The following EIF2D variants were observed in gnomAD, a reference collection of about 807,000 sequenced individuals.
The protein encoded by EIF2D is eukaryotic translation initiation factor 2D.
Under a neutral mutation model 77.4 loss-of-function variants are expected in EIF2D, and 56 were observed. The observed-to-expected ratio is 0.72, with a 90% CI of 0.58 to 0.90. The LOEUF (loss-of-function observed/expected upper bound fraction) is 0.90. Ranked by LOEUF, EIF2D falls within the 40% of genes least tolerant of loss-of-function variation. The pLI is 0.00. For synonymous variants in EIF2D, 230 were observed against 271.0 expected (o/e 0.85, Z 1.49); for missense variants, 574 against 706.5 (o/e 0.81, Z 2.13).
intron 2 of EIF2D, chr1:206,583,061 G>C (rs1171613145): frequency 3.9e-6 from 2 of 509,296 alleles, no homozygotes; most frequent in Non-Finnish European, 7.2e-6. Context: ...AGAGAAATCT[G>C]AGTTACTTCT....
chr1:206,578,233 A>AGTGTGTGTGTGTGT (rs58059864), intron 4 of EIF2D, among the ~76,000 whole-genome samples: 2 of 117,584 alleles, frequency 1.7e-5, no homozygotes, highest in African/African-American at 3.1e-5. Flanking sequence ...AAAAAAAAAA[A>AGTGTGTGTGTGTGT]GTGTGTGTGT....
downstream of EIF2D, chr1:206,589,476 T>C (rs1669274251): frequency 6.6e-6 from 1 of 152,138 alleles, no homozygotes; most frequent in South Asian, 2.1e-4. Flanking sequence ...GCTGCCTGGG[T>C]GACCAGCTGT....
At chr1:206,577,372 G>C (rs184062432) in intron 4 of EIF2D, among the ~76,000 whole-genome samples, 1 of 152,118 alleles carries the variant, frequency 6.6e-6, no homozygotes, top group Non-Finnish European at 1.5e-5. Flanking sequence ...TGCTTTCCTG[G>C]GATGATAGTC....
rs1207940687 is a variant in EIF2D, at chr1:206,612,413, T to G, written c.-71A>C. ...GTCAAGAAAGCGAGGGCGCAGCAGC[T>G]GCCAGGCCCTCAGCCGTGGGGGCAG... On this transcript the variant is annotated 5_prime_UTR_variant, in exon 1 of 15. Transcript: ENST00000271764. 5.0e-6 allele frequency: 8 copies of G among 1,598,808 alleles called. No individual in the cohort carries two copies. In the East Asian group the frequency reaches 1.8e-4, roughly 36 times the overall value.
chr1:206,609,418 T>C lies in EIF2D; in HGVS notation c.289A>G (p.Thr97Ala). 6.2e-7 allele frequency: 1 copy of C among 1,614,160 alleles called. No individual in the cohort carries two copies. Among genetic ancestry groups the C allele is most frequent in the East Asian group, 2.2e-5 (1 of 44,888 alleles). ...WSYPDLLPTFTTWPLVLEKLV... is the reference protein window; with the variant it reads ...WSYPDLLPTFATWPLVLEKLV... Reference sequence around the variant, plus strand: ...TTCTCGAGCACCAGAGGCCATGTTGTAAAGGTTGGCAGAAGATCAGGATAG... The same window carrying C: ...TTCTCGAGCACCAGAGGCCATGTTGCAAAGGTTGGCAGAAGATCAGGATAG... Residue 97 changes from threonine to alanine, a missense_variant, in exon 3 of 15, where the codon ACA becomes GCA. Thr to Ala is a moderately conservative substitution (Grantham distance 58). Transcript: ENST00000271764.
intron 1 of EIF2D, 26 bp downstream of exon 1, chr1:206,612,261 C>T (rs1670536838): frequency 5.6e-6 from 9 of 1,614,078 alleles, no homozygotes; most frequent in Non-Finnish European, 7.6e-6. Flanking sequence ...TGTTCCGTGG[C>T]AGAGCAGGCC....
chr1:206,590,379 C>G (rs926973767), downstream of EIF2D, among the ~76,000 whole-genome samples: 4 of 152,226 alleles, frequency 2.6e-5, no homozygotes, highest in African/African-American at 9.6e-5. Context: ...AGCCTCCACT[C>G]CCTTCAAGAT....
In EIF2D at chr1:206,597,116, C is replaced by T. The variant is rs782097617; in HGVS notation, c.1372G>A (p.Asp458Asn). 1 of 1,613,910 alleles carries T rather than the reference C, an allele frequency of 6.2e-7. No homozygotes were observed. The highest frequency in any genetic ancestry group is 1.7e-5 in the Admixed American group (1 of 59,992). ...GCTCGTTACCTGGTCAGAAGACTGT[C>T]CCATGGAAGCTTCATGACTGTATGC... ...EQHTVMKLPWDSLLTRCLEKL... is the reference protein window; with the variant it reads ...EQHTVMKLPWNSLLTRCLEKL... Residue 458 changes from aspartate to asparagine, a missense_variant, in exon 12 of 15, where the codon GAC (aspartate) becomes AAC (asparagine). Asp to Asn is a conservative substitution (Grantham distance 23, BLOSUM62 1). Coordinates refer to ENST00000271764, the MANE Select transcript of EIF2D (RefSeq NM_006893.3).
chr1:206,585,372 C>T, intron 2 of EIF2D: 1 of 1,044,824 alleles, frequency 9.6e-7, no homozygotes, highest in Non-Finnish European at 1.5e-6. Flanking sequence ...TCCTAACTAC[C>T]TCACATAGGT....
downstream of EIF2D, chr1:206,587,560 T>A: frequency 6.3e-6 from 1 of 159,414 alleles, no homozygotes; most frequent in East Asian, 1.8e-4. Context: ...ATGCTCAGGG[T>A]AAGGAGCACC....
Position 206,608,346 on chromosome 1 carries a change from T to TCA in EIF2D, c.332-22_332-21dup, listed in dbSNP as rs1392816187. 1.9e-6 allele frequency: 3 copies of TCA among 1,599,314 alleles called. No individual in the cohort carries two copies. Among genetic ancestry groups the TCA allele is most frequent in the African/African-American group, 2.7e-5 (2 of 74,452 alleles). On this transcript the variant is annotated intron_variant, in intron 3 of 14. Coordinates refer to ENST00000271764, the MANE Select transcript of EIF2D (RefSeq NM_006893.3). ...TCAAATCTGCAATGAACAAAAAAAATCACAACCTGCATTCAGCCTCCATCT... is the reference window on the plus strand; with the variant it reads ...TCAAATCTGCAATGAACAAAAAAAATCACACAACCTGCATTCAGCCTCCATCT...
intron 6 of EIF2D, chr1:206,602,735 GC>G: frequency 1.4e-6 from 1 of 732,112 alleles, no homozygotes. Flanking sequence ...ACAGGCAAAT[GC>G]CAGGGCAGAT....
At chr1:206,593,833 G>C in intron 13 of EIF2D, 40 bp from the exon 14 acceptor site, 1 of 1,559,126 alleles carries the variant, frequency 6.4e-7, no homozygotes, top group Non-Finnish European at 8.7e-7. Context: ...GGTGGTGACT[G>C]CATTCCCTTC....
intron 13 of EIF2D, chr1:206,594,905 A>AAGAT (rs1669574737): frequency 6.6e-6 from 1 of 152,172 alleles, no homozygotes; most frequent in Admixed American, 6.5e-5. Flanking sequence ...AATTATTGTA[A>AAGAT]AGATTATCAT....
At chr1:206,583,789 C>T (rs1353618948) in intron 2 of EIF2D, 1 of 193,774 alleles carries the variant, frequency 5.2e-6, no homozygotes, top group Non-Finnish European at 1.1e-5. Flanking sequence ...GGAGGGCACC[C>T]AACTTAGCAC....
downstream of EIF2D, chr1:206,589,323 G>A (rs1669267437): frequency 6.5e-6 from 1 of 152,800 alleles, no homozygotes. Flanking sequence ...TACGGACACT[G>A]GGAGCGGGGG....
downstream of EIF2D, chr1:206,587,389 A>C: frequency 3.4e-6 from 1 of 296,346 alleles, no homozygotes; most frequent in South Asian, 3.0e-5. Flanking sequence ...CTTGCCACGT[A>C]CAGGACCATT....
intron 2 of EIF2D, chr1:206,583,127 C>T: frequency 1.6e-6 from 1 of 616,068 alleles, no homozygotes; most frequent in African/African-American, 1.8e-5. Context: ...CATTGTCTCA[C>T]TCCGAGTCCG....
intron 4 of EIF2D, among the ~76,000 whole-genome samples, chr1:206,574,281 C>G (rs1421237939): frequency 7.2e-5 from 11 of 152,218 alleles, no homozygotes; most frequent in Non-Finnish European, 1.5e-4. Context: ...CCAGATCACA[C>G]TGTACTTGCT....
Sources: gnomAD v4.1 joint callset for allele counts (sites outside exome capture counted in the v4.1 genomes callset) on GRCh38, gnomAD v4.1.1 for gene constraint, MANE v1.5 for transcripts, NCBI Gene and HGNC (gene_info 2026-07-23, HGNC 2026-07-21) for gene names.